Variants in IK observed in about 807,000 individuals in gnomAD.
IK encodes the protein IK cytokine, also known as protein Red.
In IK, 47 loss-of-function variants were observed where a neutral mutation model predicts 90.9. The observed-to-expected ratio is 0.52, with a 90% CI of 0.41 to 0.66. IK has a LOEUF of 0.66. Among genes scored for constraint, IK ranks in the 30% least tolerant of loss-of-function variants. The pLI, the probability that IK is intolerant of heterozygous loss-of-function variation, is 0.00. For missense variants in IK, 385 were observed against 709.3 expected, an observed-to-expected ratio of 0.54 and a Z score of 5.19; for synonymous variants, 201 against 227.5, an observed-to-expected ratio of 0.88 and a Z score of 1.05.
rs768554843 is a variant in IK at position 140,659,109 on chromosome 5, G to C, written c.1121G>C (p.Arg374Thr). 54 of 1,607,922 alleles carry C rather than the reference G, an allele frequency of 3.4e-5. No individual in the cohort carries two copies. The East Asian group carries it at 1.1e-3, about 33-fold the overall frequency. Residue 374 changes from arginine to threonine, a missense_variant, in exon 12 of 20, where the codon AGA becomes ACA. Transcript: ENST00000417647. ...RERERERDREREEEKKRHSYF... is the reference protein window; with the variant it reads ...RERERERDRETEEEKKRHSYF... ...CGAGAGCGAGAGCGGGACCGAGAGA[G>C]AGAAGAGGAAAAGAAGAGACACAGC... is the stretch of plus-strand genomic sequence containing the variant.
At chr5:140,653,181 A>C (rs761692337) in intron 5 of IK, 37 bp downstream of exon 5, 10 of 1,571,820 alleles carry the variant, frequency 6.4e-6, no homozygotes, top group Non-Finnish European at 8.7e-6. Context: ...TTCCCTCAGC[A>C]TCCGAGAGTC....
At position 140,661,045 on chromosome 5, in the gene IK, A is replaced by C; in HGVS notation, c.1413+230A>C. 1 of 457,496 alleles carries C rather than the reference A, an allele frequency of 2.2e-6. No homozygotes were observed. Among genetic ancestry groups the C allele is most frequent in the Non-Finnish European group, 3.8e-6 (1 of 259,978 alleles). 28.3% of individuals were successfully genotyped at this position (457,496 alleles called of 1,614,324 possible). On this transcript the variant is annotated intron_variant, in intron 16 of 19. Coordinates refer to ENST00000417647, the MANE Select transcript of IK (RefSeq NM_006083.4). This position sits in a 1 kb window ranked among gnomAD's most constrained non-coding sequence, Gnocchi z 4.2. ...AATCTATTTTTTACTTCCTATAGCA[A>C]AGTGCCAGGCTTTGATTCCCATGGT...
chr5:140,648,838 A>G (rs1757551542), intron 2 of IK: 1 of 355,384 alleles, frequency 2.8e-6, no homozygotes, highest in African/African-American at 2.1e-5. Context: ...GGGTAAAATC[A>G]TCTTTTTATT....
At position 140,648,558 on chromosome 5, in the gene IK, C is replaced by T. The variant is rs774709494; in HGVS notation, c.83+21C>T. ...CACCAGTGAGTATTTTGTGCTAGGA[C>T]CATGGAAATGAGTTGGGCAATGAAT... On this transcript the variant is annotated intron_variant, in intron 2 of 19. Coordinates refer to ENST00000417647, the MANE Select transcript of IK (RefSeq NM_006083.4). 1.5e-5 allele frequency: 24 copies of T among 1,607,842 alleles called. No individual in the cohort carries two copies. The Admixed American group carries it at 1.8e-4, about 12-fold the overall frequency.
Position 140,648,475 on chromosome 5 carries a change from G to A in IK, c.21G>A (p.Glu7=). 6.2e-7 allele frequency: 1 copy of A among 1,613,972 alleles called. No individual in the cohort carries two copies. Among genetic ancestry groups the A allele is most frequent in the Non-Finnish European group, 8.5e-7 (1 of 1,179,856 alleles). MPERDS[E]PFSNPLAPDG... ...AACGTCAATTTTTTTTGTCAGGTGAGCCGTTCTCCAACCCTTTGGCCCCCG... is the reference window on the plus strand; with the variant it reads ...AACGTCAATTTTTTTTGTCAGGTGAACCGTTCTCCAACCCTTTGGCCCCCG... Residue 7 remains glutamate, a synonymous_variant, in exon 2 of 20, where the codon GAG becomes GAA. Transcript: ENST00000417647.
intron 8 of IK, among the ~76,000 whole-genome samples, chr5:140,655,101 C>G (rs554146692): frequency 8.3e-4 from 127 of 152,126 alleles, no homozygotes; most frequent in Admixed American, 2.8e-3. Context: ...TTCTTGCCCC[C>G]AAAACAACTA....
chr5:140,652,490 A>T (rs1018646588), intron 4 of IK, among the ~76,000 whole-genome samples: 1 of 152,208 alleles, frequency 6.6e-6, no homozygotes, highest in Non-Finnish European at 1.5e-5. Context: ...TGCCTGGCAT[A>T]TGGTAACCAC....
chr5:140,655,171 T>A (rs905075239), intron 8 of IK, among the ~76,000 whole-genome samples: 5 of 152,206 alleles, frequency 3.3e-5, no homozygotes, highest in African/African-American at 1.2e-4. Context: ...ATATGTCATT[T>A]ATGTCTCCTC....
chr5:140,661,813 C>G lies in IK; in HGVS notation c.1503-86C>G. 6 of 1,424,648 alleles carry G rather than the reference C, an allele frequency of 4.2e-6. No homozygotes were observed. Among genetic ancestry groups the G allele is most frequent in the Non-Finnish European group, 5.8e-6 (6 of 1,029,646 alleles). The allele number at this position is 1,424,648 out of a possible 1,614,324, so 88.3% of individuals were successfully genotyped here. ...TGTGGTCTGGCTGAGATGTTCCCCA[C>G]TAAGTTCTTTGCCCACAGGACTCTG... On this transcript the variant is annotated intron_variant, in intron 17 of 19. Coordinates refer to ENST00000417647, the MANE Select transcript of IK (RefSeq NM_006083.4). The surrounding 1 kb of genome is among the most constrained non-coding windows in gnomAD (Gnocchi z 4.2).
At chr5:140,649,139 C>T (rs988120010) in intron 2 of IK, among the ~76,000 whole-genome samples, 3 of 146,912 alleles carry the variant, frequency 2.0e-5, no homozygotes, top group Non-Finnish European at 4.5e-5. Flanking sequence ...GCCTGGCCCC[C>T]GATAAAATCA....
chr5:140,658,617 G>T (rs1581484602), intron 10 of IK, 120 bp from the exon 11 acceptor site: 2 of 863,152 alleles, frequency 2.3e-6, no homozygotes, highest in African/African-American at 3.3e-5. Flanking sequence ...ACCGCACCCA[G>T]CCTTGACCCA....
chr5:140,648,756 T>TTA, intron 2 of IK: 2 of 539,672 alleles, frequency 3.7e-6, no homozygotes, highest in South Asian at 2.4e-5. Context: ...TTTTTTTTTT[T>TTA]ATACGTGTTG....
At chr5:140,649,739 G>T (rs902713478) in intron 2 of IK, among the ~76,000 whole-genome samples, 6 of 151,706 alleles carry the variant, frequency 4.0e-5, no homozygotes, top group African/African-American at 1.5e-4. Context: ...CGCTATGTTG[G>T]CCAGGCTGGT....
In IK at chr5:140,651,758, C is replaced by G; in HGVS notation, c.128C>G (p.Pro43Arg). The change falls in exon 3 of 20, where the codon CCC (proline) becomes CGC (arginine). Residue 43 changes from proline to arginine, a missense_variant. By Grantham distance (103) the Pro-to-Arg change is moderately radical (BLOSUM62 -2). Transcript: ENST00000417647. ...GACTTCAGGAAACTTCTCATGACCCCCAGGGCTGCACCTACCTCTGCACCA... is the reference window on the plus strand; with the variant it reads ...GACTTCAGGAAACTTCTCATGACCCGCAGGGCTGCACCTACCTCTGCACCA... ...NEDFRKLLMT[P>R]RAAPTSAPPS... The G allele has an allele frequency of 6.2e-7, 1 of 1,613,234 alleles. No homozygotes were observed. Among genetic ancestry groups the G allele is most frequent in the South Asian group, 1.1e-5 (1 of 91,054 alleles).
chr5:140,648,042 GTGTATGTA>G lies in IK; in HGVS notation c.16+126_16+133del, dbSNP rs753149634. 32,869 of 456,254 alleles carry G rather than the reference GTGTATGTA, an allele frequency of 0.072. 899 individuals are homozygous for G. Among genetic ancestry groups the G allele is most frequent in the East Asian group, 0.12 (2,159 of 17,730 alleles). 28.3% of individuals were successfully genotyped at this position (456,254 alleles called of 1,614,324 possible). ...TGTGTGTGTGTGTGTGTGTGTGTGT[GTGTATGTA>G]TGTATGTGTGACGCTTGAGCCCGGA... On this transcript the variant is annotated intron_variant, in intron 1 of 19. Transcript: ENST00000417647.
chr5:140,651,588 A>C (rs1757617130), intron 2 of IK, 126 bp from the exon 3 acceptor site: 1 of 602,780 alleles, frequency 1.7e-6, no homozygotes, highest in South Asian at 2.1e-5. Context: ...AAAAAAAAAA[A>C]CAGTGTCATA....
At position 140,661,564 on chromosome 5, in the gene IK, T is replaced by C; in HGVS notation, c.1414-56T>C. 8.0e-7 allele frequency: 1 copy of C among 1,243,458 alleles called. No homozygotes were observed. The highest frequency in any genetic ancestry group is 1.1e-6 in the Non-Finnish European group (1 of 870,578). 77.0% of individuals were successfully genotyped at this position (1,243,458 alleles called of 1,614,324 possible). On this transcript the variant is annotated intron_variant, in intron 16 of 19. Transcript: ENST00000417647. This position sits in a 1 kb window ranked among gnomAD's most constrained non-coding sequence, Gnocchi z 4.2. ...GTCTGGCTTCAATCAAGGGCTGAAA[T>C]TCCATTTCCACTGACATCTCTTCCT...
At chr5:140,656,825 T>G (rs1428644224) in intron 9 of IK, among the ~76,000 whole-genome samples, 1 of 152,228 alleles carries the variant, frequency 6.6e-6, no homozygotes. Context: ...CTGCCTATAG[T>G]CACCCTGTTG....
At chr5:140,660,373 C>T in intron 15 of IK, 178 bp downstream of exon 15, 1 of 538,318 alleles carries the variant, frequency 1.9e-6, no homozygotes, top group Non-Finnish European at 3.3e-6. Context: ...TCTCTGCTCG[C>T]TGCAATCTCC....
Sources: allele counts gnomAD v4.1 joint callset (sites outside exome capture counted in the v4.1 genomes callset), GRCh38; gene constraint gnomAD v4.1.1; non-coding constraint Gnocchi (gnomAD v3.1); transcripts MANE v1.5; gene names NCBI Gene and HGNC (gene_info 2026-07-23, HGNC 2026-07-21).